Variants in CLVS1 observed in about 807,000 individuals in gnomAD.
CLVS1 encodes clavesin 1.
Under a neutral mutation model 33.1 loss-of-function variants are expected in CLVS1, and 10 were observed. That is an observed-to-expected ratio of 0.30 (90% CI 0.19 to 0.51). CLVS1 has a LOEUF of 0.51. Ranked by LOEUF, CLVS1 falls within the 20% of genes least tolerant of loss-of-function variation. CLVS1 has a pLI of 0.97. For missense variants in CLVS1, 343 were observed against 433.4 expected (o/e 0.79, Z 1.85); for synonymous variants, 163 against 166.1 (o/e 0.98, Z 0.14).
intron 2 of CLVS1, among the ~76,000 whole-genome samples, chr8:61,335,715 A>G (rs1811776339): frequency 6.6e-6 from 1 of 152,230 alleles, no homozygotes. Flanking sequence ...ATTGTCTTCT[A>G]GCATCAAAAA....
chr8:61,281,565 T>G (rs967092919), intron 2 of CLVS1, among the ~76,000 whole-genome samples: 1 of 152,156 alleles, frequency 6.6e-6, no homozygotes, highest in African/African-American at 2.4e-5. Flanking sequence ...GCTTCTAACC[T>G]CCAGAATTGT....
chr8:61,316,935 G>A (rs1811030251), intron 2 of CLVS1, among the ~76,000 whole-genome samples: 1 of 152,104 alleles, frequency 6.6e-6, no homozygotes, highest in South Asian at 2.1e-4. Flanking sequence ...AGAATTAAAG[G>A]AGCTAATACA....
At chr8:61,351,988 G>A (rs1185224357) in intron 2 of CLVS1, among the ~76,000 whole-genome samples, 2 of 152,020 alleles carry the variant, frequency 1.3e-5, no homozygotes, top group African/African-American at 4.8e-5. Flanking sequence ...GAAATATCAG[G>A]AAGAAGGAAC....
the CLVS1 span, among the ~76,000 whole-genome samples, chr8:61,051,804 C>T: frequency 1.4e-4 from 22 of 152,244 alleles, no homozygotes; most frequent in African/African-American, 4.6e-4. Context: ...AGGACAGTGG[C>T]CATGGAGTGC....
chr8:60,999,278 G>A, the CLVS1 span, among the ~76,000 whole-genome samples: 1 of 152,224 alleles, frequency 6.6e-6, no homozygotes, highest in South Asian at 2.1e-4. Context: ...GCCAAGAGAA[G>A]AGGAAGCGAC....
chr8:61,433,609 A>G (rs923490130), intron 3 of CLVS1, among the ~76,000 whole-genome samples: 1 of 152,166 alleles, frequency 6.6e-6, no homozygotes, highest in Non-Finnish European at 1.5e-5. Context: ...GCCCTGGAGC[A>G]GGCATACCAG....
intron 3 of CLVS1, among the ~76,000 whole-genome samples, chr8:61,387,480 TTTTTTTTA>T (rs1011994903): frequency 6.7e-6 from 1 of 149,010 alleles, no homozygotes; most frequent in African/African-American, 2.4e-5. Flanking sequence ...TTTTTTTTTT[TTTTTTTTA>T]AATTTCAATA....
At chr8:61,449,807 C>T (rs1021505316) in intron 3 of CLVS1, among the ~76,000 whole-genome samples, 1 of 152,146 alleles carries the variant, frequency 6.6e-6, no homozygotes, top group Non-Finnish European at 1.5e-5. Flanking sequence ...CTCAGAGTCC[C>T]TAGCTGATTT....
At chr8:61,153,135 AAAG>A (rs1244697859) in intron 2 of CLVS1, among the ~76,000 whole-genome samples, 5 of 152,140 alleles carry the variant, frequency 3.3e-5, no homozygotes, top group African/African-American at 4.8e-5. Flanking sequence ...AAAAGGAAAA[AAAG>A]AAGAAGACCA....
chr8:61,125,950 CT>C, intron 1 of CLVS1, among the ~76,000 whole-genome samples: 1 of 128,034 alleles, frequency 7.8e-6, no homozygotes, highest in East Asian at 3.1e-4. Context: ...GGAATAGAGC[CT>C]TTTTTAAGGA....
intron 2 of CLVS1, among the ~76,000 whole-genome samples, chr8:61,164,464 T>G (rs540487548): frequency 3.3e-5 from 5 of 152,296 alleles, no homozygotes; most frequent in Non-Finnish European, 5.9e-5. Context: ...AACATTGCGA[T>G]TCCCGCTGTC....
At chr8:61,149,571 A>AC (rs1750389577) in intron 2 of CLVS1, among the ~76,000 whole-genome samples, 1 of 149,864 alleles carries the variant, frequency 6.7e-6, no homozygotes, top group South Asian at 2.1e-4. Flanking sequence ...AAAAAAAACA[A>AC]AAAACAAAAC....
intron 2 of CLVS1, among the ~76,000 whole-genome samples, chr8:61,150,101 G>GGTGTGTGTGTGTGTGTGTGTTTGTGTGT (rs1806498194): frequency 6.8e-6 from 1 of 146,438 alleles, no homozygotes; most frequent in African/African-American, 2.6e-5. Flanking sequence ...ATTTGAGAAA[G>GGTGTGTGTGTGTGTGTGTGTTTGTGTGT]GTGTGTGTGT....
At chr8:61,193,623 C>T (rs994383242) in intron 2 of CLVS1, among the ~76,000 whole-genome samples, 2 of 151,758 alleles carry the variant, frequency 1.3e-5, no homozygotes, top group African/African-American at 4.8e-5. Context: ...TGTAAGAAAA[C>T]AACCGCCAAC....
intron 3 of CLVS1, among the ~76,000 whole-genome samples, chr8:61,401,335 T>G (rs1814742308): frequency 1.3e-5 from 2 of 152,150 alleles, no homozygotes; most frequent in African/African-American, 4.8e-5. Context: ...ATAGACATTC[T>G]TGTCTTTCTC....
At chr8:61,342,766 T>G (rs1812070171) in intron 2 of CLVS1, among the ~76,000 whole-genome samples, 1 of 152,156 alleles carries the variant, frequency 6.6e-6, no homozygotes, top group Non-Finnish European at 1.5e-5. Context: ...AGCAGCAAAT[T>G]TGGAAGGAGG....
At chr8:61,408,498 G>C (rs1321495676) in intron 3 of CLVS1, among the ~76,000 whole-genome samples, 1 of 152,200 alleles carries the variant, frequency 6.6e-6, no homozygotes, top group Non-Finnish European at 1.5e-5. Flanking sequence ...CTTTTCTCCA[G>C]ACCTGGAAAT....
intron 1 of CLVS1, among the ~76,000 whole-genome samples, chr8:61,104,449 A>C (rs1805500689): frequency 6.6e-6 from 1 of 152,226 alleles, no homozygotes; most frequent in South Asian, 2.1e-4. Flanking sequence ...CCTTAACTCC[A>C]ACAGATGTGA....
At chr8:61,138,964 G>C (rs1159492464) in intron 2 of CLVS1, among the ~76,000 whole-genome samples, 1 of 152,272 alleles carries the variant, frequency 6.6e-6, no homozygotes, top group Non-Finnish European at 1.5e-5. Flanking sequence ...GGAGAGGAAA[G>C]TCGTCCGCGA....
Sources: allele counts gnomAD v4.1 joint callset (sites outside exome capture counted in the v4.1 genomes callset), GRCh38; gene constraint gnomAD v4.1.1; transcripts MANE v1.5; gene names NCBI Gene and HGNC (gene_info 2026-07-23, HGNC 2026-07-21).